The following PSD3 variants were observed in gnomAD, a reference collection of about 807,000 sequenced individuals.
PSD3 encodes pleckstrin and Sec7 domain containing 3, also known as PH and SEC7 domain-containing protein 3.
In PSD3, 49 loss-of-function variants were observed where a neutral mutation model predicts 105.5. That is an observed-to-expected ratio of 0.46 (90% confidence interval 0.37 to 0.59). The LOEUF is 0.59. Among genes scored for constraint, PSD3 ranks in the 20% least tolerant of loss-of-function variants. The pLI, the probability that PSD3 is intolerant of heterozygous loss-of-function variation, is 0.00. For synonymous variants in PSD3, 557 were observed against 457.8 expected (o/e 1.22, Z -2.77); for missense variants, 1,561 against 1,263.8 (o/e 1.24, Z -3.57).
chr8:18,736,328 C>A (rs1804149254), intron 9 of PSD3, among the ~76,000 whole-genome samples: 2 of 152,200 alleles, frequency 1.3e-5, no homozygotes, highest in South Asian at 4.1e-4. Context: ...ATGGTACCTA[C>A]CCTCAAGGGT....
intron 9 of PSD3, among the ~76,000 whole-genome samples, chr8:18,713,590 T>G (rs1440982303): frequency 6.6e-6 from 1 of 152,070 alleles, no homozygotes; most frequent in Admixed American, 6.6e-5. Flanking sequence ...GTGAACGACC[T>G]CTTCAAGGAG....
At chr8:19,024,443 G>T (rs930278856) in intron 1 of PSD3, among the ~76,000 whole-genome samples, 1 of 152,164 alleles carries the variant, frequency 6.6e-6, no homozygotes, top group Non-Finnish European at 1.5e-5. Context: ...GAAGACAGAA[G>T]GGGTCCCACT....
intron 4 of PSD3, among the ~76,000 whole-genome samples, chr8:18,842,859 T>C (rs544332466): frequency 4.6e-5 from 7 of 152,310 alleles, no homozygotes; most frequent in Non-Finnish European, 8.8e-5. Flanking sequence ...TGAAGCCTCA[T>C]GCAATGTTAA....
At position 18,600,454 on chromosome 8, in the gene PSD3, G is replaced by A. The variant is rs1481142217; in HGVS notation, c.2411-20C>T. On this transcript the variant is annotated intron_variant, in intron 11 of 15. Transcript: ENST00000327040. ...TTGGAGCTAGAAAGGGGGAAAAAAT[G>A]TAAAATTTTATTTGACATCAGCATT... The A allele has an allele frequency of 5.1e-6, 8 of 1,556,720 alleles. No homozygotes were observed. Among genetic ancestry groups the A allele is most frequent in the Non-Finnish European group, 7.0e-6 (8 of 1,144,110 alleles).
At chr8:18,567,468 C>A (rs1801861784) in intron 14 of PSD3, among the ~76,000 whole-genome samples, 1 of 152,102 alleles carries the variant, frequency 6.6e-6, no homozygotes, top group Non-Finnish European at 1.5e-5. Flanking sequence ...ACCTTCTGGT[C>A]ATCAGTAAGA....
chr8:18,952,698 C>T (rs946161635), intron 1 of PSD3, among the ~76,000 whole-genome samples: 13 of 152,160 alleles, frequency 8.5e-5, no homozygotes, highest in African/African-American at 3.1e-4. Flanking sequence ...ATATAGAAAG[C>T]AGATTTTCAG....
intron 3 of PSD3, 125 bp from the exon 4 acceptor site, chr8:18,868,194 A>C: frequency 8.9e-7 from 1 of 1,120,980 alleles, no homozygotes; most frequent in Non-Finnish European, 1.2e-6. Flanking sequence ...CTTATATCTT[A>C]ACATATTTGG....
chr8:18,797,370 G>C (rs2129446908), intron 8 of PSD3, among the ~76,000 whole-genome samples: 1 of 152,126 alleles, frequency 6.6e-6, no homozygotes, highest in East Asian at 1.9e-4. Context: ...ATCCATGATT[G>C]GCCTAACTCA....
chr8:18,813,916 G>A (rs1336475451), intron 4 of PSD3, among the ~76,000 whole-genome samples: 4 of 152,140 alleles, frequency 2.6e-5, no homozygotes, highest in Non-Finnish European at 4.4e-5. Context: ...ATCCATCTTC[G>A]TCACCAACAC....
At chr8:18,838,475 C>T (rs949950017) in intron 4 of PSD3, among the ~76,000 whole-genome samples, 2 of 152,100 alleles carry the variant, frequency 1.3e-5, no homozygotes, top group African/African-American at 4.8e-5. Context: ...GTTGGGGCAA[C>T]TGAGTATGTG....
intron 1 of PSD3, among the ~76,000 whole-genome samples, chr8:18,959,515 C>A (rs749497977): frequency 6.6e-6 from 1 of 152,126 alleles, no homozygotes; most frequent in Non-Finnish European, 1.5e-5. Context: ...TTCCAACTTT[C>A]TCTCTCATTG....
intron 1 of PSD3, among the ~76,000 whole-genome samples, chr8:19,038,428 T>A (rs1323327553): frequency 1.3e-5 from 2 of 152,184 alleles, no homozygotes; most frequent in East Asian, 3.8e-4. Flanking sequence ...TACCTTTCTA[T>A]TCCCCCTAGA....
intron 9 of PSD3, among the ~76,000 whole-genome samples, chr8:18,672,797 G>A (rs1036106756): frequency 7.2e-5 from 11 of 152,186 alleles, no homozygotes; most frequent in Non-Finnish European, 1.6e-4. Flanking sequence ...ATAACTGCTA[G>A]AGTATAAAGT....
chr8:18,616,160 C>G (rs1005579321), intron 11 of PSD3, among the ~76,000 whole-genome samples: 5 of 152,256 alleles, frequency 3.3e-5, no homozygotes, highest in African/African-American at 9.6e-5. Context: ...AGAAAACGGT[C>G]TGCTACAGAC....
intron 9 of PSD3, among the ~76,000 whole-genome samples, chr8:18,760,192 CACAT>C (rs1472347254): frequency 3.3e-5 from 5 of 152,028 alleles, no homozygotes; most frequent in Admixed American, 2.6e-4. Context: ...ATTTTGAGTA[CACAT>C]ACATACTGTA....
At chr8:19,026,727 C>T (rs533709287) in intron 1 of PSD3, among the ~76,000 whole-genome samples, 30 of 117,720 alleles carry the variant, frequency 2.5e-4, no homozygotes, top group African/African-American at 9.0e-4. Flanking sequence ...AAAAAAAATG[C>T]CAGGCTGTGG....
chr8:18,982,439 G>C (rs1419654708), intron 1 of PSD3, among the ~76,000 whole-genome samples: 1 of 152,152 alleles, frequency 6.6e-6, no homozygotes, highest in African/African-American at 2.4e-5. Flanking sequence ...ATGGCATCTA[G>C]AATGGTGAAT....
At chr8:18,795,733 C>G (rs1810114851) in intron 8 of PSD3, among the ~76,000 whole-genome samples, 1 of 152,182 alleles carries the variant, frequency 6.6e-6, no homozygotes, top group South Asian at 2.1e-4. Flanking sequence ...TACAAGCAAG[C>G]TAGTTAGTGG....
At chr8:18,782,600 G>A (rs1293677158) in intron 8 of PSD3, among the ~76,000 whole-genome samples, 3 of 152,190 alleles carry the variant, frequency 2.0e-5, no homozygotes, top group Admixed American at 6.5e-5. Context: ...GTCAACACAC[G>A]TGGATATTGG....
Sources: gnomAD v4.1 joint callset for allele counts (sites outside exome capture counted in the v4.1 genomes callset) on GRCh38, gnomAD v4.1.1 for gene constraint, MANE v1.5 for transcripts, NCBI Gene and HGNC (gene_info 2026-07-23, HGNC 2026-07-21) for gene names.